The following TBC1D8 variants were observed in gnomAD, a reference collection of about 807,000 sequenced individuals.
The protein encoded by TBC1D8 is BUB2-like protein 1.
TBC1D8 carries 65 observed loss-of-function variants against 118.8 expected under a neutral mutation model. That is an observed-to-expected ratio of 0.55 (90% CI 0.45 to 0.67). The LOEUF is 0.67. Among genes scored for constraint, TBC1D8 ranks in the 30% least tolerant of loss-of-function variants. The pLI is 0.00. For synonymous variants in TBC1D8, 566 were observed against 595.8 expected (o/e 0.95, Z 0.73); for missense variants, 1,376 against 1,471.2 (o/e 0.94, Z 1.06).
chr2:101,076,807 C>A (rs1478007291), intron 2 of TBC1D8, among the ~76,000 whole-genome samples: 1 of 152,206 alleles, frequency 6.6e-6, no homozygotes, highest in Non-Finnish European at 1.5e-5. Context: ...GCCAACCTAA[C>A]TTTGGAAGAC....
At chr2:101,104,342 T>C (rs1191342500) in intron 1 of TBC1D8, among the ~76,000 whole-genome samples, 17 of 152,234 alleles carry the variant, frequency 1.1e-4, no homozygotes, top group African/African-American at 2.2e-4. Context: ...CACACTATTT[T>C]GTAAATATTG....
intron 1 of TBC1D8, among the ~76,000 whole-genome samples, chr2:101,100,461 C>T (rs1163615030): frequency 2.0e-5 from 3 of 152,150 alleles, no homozygotes; most frequent in Non-Finnish European, 4.4e-5. Context: ...AGATTCAATG[C>T]TATTCCCATC....
intron 8 of TBC1D8, among the ~76,000 whole-genome samples, chr2:101,037,025 T>C (rs1479891587): frequency 2.0e-5 from 3 of 152,196 alleles, no homozygotes; most frequent in Non-Finnish European, 2.9e-5. Flanking sequence ...CTGCCTGCCA[T>C]GGCCCCATTT....
chr2:101,129,904 C>CA (rs762607316), intron 1 of TBC1D8, among the ~76,000 whole-genome samples: 20,658 of 123,888 alleles, frequency 0.17, 1,507 homozygotes, highest in Middle Eastern at 0.29. Context: ...GACTCTGTCT[C>CA]AAAAAAAAAA....
intron 1 of TBC1D8, among the ~76,000 whole-genome samples, chr2:101,103,437 G>A (rs913937753): frequency 6.7e-6 from 1 of 150,102 alleles, no homozygotes; most frequent in African/African-American, 2.5e-5. Flanking sequence ...TGCTGCCTAG[G>A]CTGGAATGCA....
In TBC1D8 at chr2:101,036,126, C is replaced by G. The variant is rs772779953; in HGVS notation, c.1495G>C (p.Val499Leu). 1.2e-6 allele frequency: 2 copies of G among 1,613,878 alleles called. No individual in the cohort carries two copies. The highest frequency in any genetic ancestry group is 2.7e-5 in the African/African-American group (2 of 74,924). ...IKISLWNDHF[V>L]EYGRTVCMFR... ...ATACACACGGTTCTGCCGTATTCCA[C>G]AAAGTGGTCATTCCACAGGCTTATT... Residue 499 changes from valine to leucine, a missense_variant, in exon 9 of 20, where the codon GTG (valine) becomes CTG (leucine). By Grantham distance (32) the Val-to-Leu change is conservative. Transcript: ENST00000409318.
rs80146557 is a variant in TBC1D8 at position 101,082,726 on chromosome 2, T to C, written c.283+7483A>G. ...ACACGAGGTGCCCGAGTAGGCAAAT[T>C]CCTAGAGACAGAACCTGGATCCCAT... On this transcript the variant is annotated intron_variant, in intron 2 of 19. Coordinates refer to ENST00000409318, the MANE Select transcript of TBC1D8 (RefSeq NM_001330348.2). 2.5e-3 allele frequency among the ~76,000 whole-genome samples: 383 copies of C among 152,120 alleles called. 3 individuals are homozygous for C. The highest frequency in any genetic ancestry group is 5.6e-3 in the Admixed American group (85 of 15,268).
intron 2 of TBC1D8, among the ~76,000 whole-genome samples, chr2:101,070,605 GT>G (rs1683260115): frequency 6.6e-6 from 1 of 151,822 alleles, no homozygotes. Flanking sequence ...TACAGACGGG[GT>G]TTCACCATGT....
At chr2:101,098,991 A>G (rs943600651) in intron 1 of TBC1D8, among the ~76,000 whole-genome samples, 5 of 152,044 alleles carry the variant, frequency 3.3e-5, no homozygotes, top group Admixed American at 3.3e-4. Flanking sequence ...AAGCTAGCAG[A>G]AGACAAGAAA....
chr2:101,090,563 CCT>C (rs1377049406), intron 1 of TBC1D8, among the ~76,000 whole-genome samples, 199 bp from the exon 2 acceptor site: 2 of 152,210 alleles, frequency 1.3e-5, no homozygotes, highest in Non-Finnish European at 1.5e-5. Context: ...AGGACCTGCC[CCT>C]GACAGGCACT....
At chr2:101,137,887 G>A (rs1573104768) in intron 1 of TBC1D8, among the ~76,000 whole-genome samples, 1 of 152,140 alleles carries the variant, frequency 6.6e-6, no homozygotes, top group South Asian at 2.1e-4. Flanking sequence ...CTTGGGTTCT[G>A]TATGAGTTCA....
At chr2:101,054,415 G>A (rs1228196504) in intron 3 of TBC1D8, 79 bp from the exon 4 acceptor site, 11 of 1,435,188 alleles carry the variant, frequency 7.7e-6, no homozygotes, top group Non-Finnish European at 9.5e-6. Context: ...GGAAGCAGGA[G>A]GGACTGAGGT....
intron 1 of TBC1D8, among the ~76,000 whole-genome samples, chr2:101,150,679 C>T (rs899417149): frequency 6.6e-6 from 1 of 152,194 alleles, no homozygotes; most frequent in Non-Finnish European, 1.5e-5. Flanking sequence ...CGCATCGCCG[C>T]GCGCCCCCAG....
intron 1 of TBC1D8, among the ~76,000 whole-genome samples, chr2:101,140,491 T>A (rs1477144495): frequency 6.6e-6 from 1 of 152,056 alleles, no homozygotes; most frequent in South Asian, 2.1e-4. Context: ...ACAGCTTCAA[T>A]GACTTCCTGA....
At position 101,151,343 on chromosome 2, in the gene TBC1D8, G is replaced by T; in HGVS notation, c.-90C>A. 6.5e-6 allele frequency: 7 copies of T among 1,071,600 alleles called. No homozygotes were observed. The highest frequency in any genetic ancestry group is 4.4e-5 in the South Asian group (1 of 22,662). The allele number at this position is 1,071,600 out of a possible 1,614,324, so 66.4% of individuals were successfully genotyped here. A position where few individuals can be genotyped will look rare whatever the true frequency, so the allele number is the denominator to read the frequency against. On this transcript the variant is annotated 5_prime_UTR_variant, in exon 1 of 20. Coordinates refer to ENST00000409318, the MANE Select transcript of TBC1D8 (RefSeq NM_001330348.2). ...CCGAGCCCGCTCGAGAGGCGACGGC[G>T]GCGCGCGGGGACCACAGCCCGGCCG...
chr2:101,149,476 AGAGCAGC>A (rs909001213), intron 1 of TBC1D8, among the ~76,000 whole-genome samples: 1 of 152,206 alleles, frequency 6.6e-6, no homozygotes, highest in African/African-American at 2.4e-5. Flanking sequence ...GCCTCTTTCC[AGAGCAGC>A]GAGCAGAGTA....
At chr2:101,027,357 C>T (rs1240137559) in intron 15 of TBC1D8, 26 bp downstream of exon 15, 1 of 1,608,612 alleles carries the variant, frequency 6.2e-7, no homozygotes, top group African/African-American at 1.3e-5. Context: ...GGGCCTGGAA[C>T]CCCTCATCTT....
At chr2:101,100,298 C>G (rs1361867037) in intron 1 of TBC1D8, among the ~76,000 whole-genome samples, 3 of 152,092 alleles carry the variant, frequency 2.0e-5, no homozygotes, top group East Asian at 3.8e-4. Context: ...AGGAATACAG[C>G]TAACAAGCGA....
chr2:101,096,789 G>T (rs1312869694), intron 1 of TBC1D8, among the ~76,000 whole-genome samples: 1 of 126,004 alleles, frequency 7.9e-6, no homozygotes. Flanking sequence ...CAAAGTGAGA[G>T]AGAGGGGGAG....
Sources: gnomAD v4.1 joint callset for allele counts (sites outside exome capture counted in the v4.1 genomes callset) on GRCh38, gnomAD v4.1.1 for gene constraint, MANE v1.5 for transcripts, NCBI Gene and HGNC (gene_info 2026-07-23, HGNC 2026-07-21) for gene names.